The following PDE1C variants were observed in gnomAD, a reference collection of about 807,000 sequenced individuals.
The protein encoded by PDE1C is phosphodiesterase 1C.
A neutral mutation model predicts 93.1 loss-of-function variants in PDE1C; 62 were observed. The observed-to-expected ratio is 0.67, with a 90% CI of 0.54 to 0.82. The LOEUF (loss-of-function observed/expected upper bound fraction) is 0.82. Among genes scored for constraint, PDE1C ranks in the 40% least tolerant of loss-of-function variants. The pLI, the probability that PDE1C is intolerant of heterozygous loss-of-function variation, is 0.00. For missense variants in PDE1C, 742 were observed against 884.6 expected (o/e 0.84, Z 2.04); for synonymous variants, 325 against 310.1 (o/e 1.05, Z -0.50).
chr7:31,998,081 G>T (rs901121269), intron 2 of PDE1C, among the ~76,000 whole-genome samples: 3 of 151,594 alleles, frequency 2.0e-5, no homozygotes, highest in African/African-American at 7.3e-5. Flanking sequence ...ATGCAGTGGC[G>T]CAATCTTGGC....
At chr7:32,196,396 C>T (rs1380790720) in intron 2 of PDE1C, among the ~76,000 whole-genome samples, 1 of 151,860 alleles carries the variant, frequency 6.6e-6, no homozygotes, top group African/African-American at 2.4e-5. Context: ...TTTTGGGTAC[C>T]TGTTGTCATT....
intron 2 of PDE1C, among the ~76,000 whole-genome samples, chr7:32,025,713 T>G (rs1789329666): frequency 6.6e-6 from 1 of 152,162 alleles, no homozygotes. Context: ...TGGCTCAAAC[T>G]GACATGCCCA....
At chr7:31,893,496 T>G (rs1798898247) in intron 2 of PDE1C, 1 of 984,756 alleles carries the variant, frequency 1.0e-6, no homozygotes, top group African/African-American at 1.7e-5. Flanking sequence ...CCCATCTCAC[T>G]TGCCAGCACC....
the PDE1C span, among the ~76,000 whole-genome samples, chr7:31,686,559 G>A: frequency 2.6e-5 from 4 of 152,152 alleles, no homozygotes; most frequent in South Asian, 2.1e-4. Context: ...GGTTACAAGC[G>A]TGGACCCTAG....
chr7:32,130,697 C>T (rs1218726033), intron 3 of PDE1C, among the ~76,000 whole-genome samples: 1 of 152,042 alleles, frequency 6.6e-6, no homozygotes, highest in Non-Finnish European at 1.5e-5. Context: ...AACAGACTCC[C>T]ACACGCCTCT....
chr7:32,236,476 CT>C (rs901292341), intron 1 of PDE1C, among the ~76,000 whole-genome samples: 1 of 152,006 alleles, frequency 6.6e-6, no homozygotes, highest in Admixed American at 6.6e-5. Flanking sequence ...ACATTCGCCC[CT>C]AATTAAAGAT....
rs914401352 is a variant in PDE1C, at chr7:31,975,625, G to A, written c.128+75929C>T. ...AATGTAAGTTTTAGTCAGAGAAACC[G>A]ACAGAGAATTTAAAGCCTGCTCCAC... On this transcript the variant is annotated intron_variant, in intron 2 of 17. Coordinates refer to ENST00000396191, the MANE Select transcript of PDE1C (RefSeq NM_001191057.4). Among the ~76,000 whole-genome samples the A allele has an allele frequency of 3.4e-4, 51 of 152,110 alleles. No individual in the cohort carries two copies. In the South Asian group the frequency reaches 3.5e-3, roughly 11 times the overall value.
intron 1 of PDE1C, among the ~76,000 whole-genome samples, chr7:32,392,899 A>G (rs1562704486): frequency 6.6e-6 from 1 of 151,946 alleles, no homozygotes; most frequent in Non-Finnish European, 1.5e-5. Context: ...AAATACAAAA[A>G]TTAGCCAGGC....
chr7:31,691,591 A>G, the PDE1C span, among the ~76,000 whole-genome samples: 2 of 152,106 alleles, frequency 1.3e-5, no homozygotes, highest in East Asian at 1.9e-4. Context: ...AGCTATAACT[A>G]ATAGCTCTGG....
rs549336109 is a variant in PDE1C at position 32,357,115 on chromosome 7, G to C, written c.310+70707C>G. On this transcript the variant is annotated intron_variant, in intron 1 of 1. Coordinates refer to the PDE1C transcript ENST00000672256. ...TTGGGAGGCCAGGCGGGTGGATCACGAGGTCAGGATATTGAGACCATCCTG... is the reference window on the plus strand; with the variant it reads ...TTGGGAGGCCAGGCGGGTGGATCACCAGGTCAGGATATTGAGACCATCCTG... Among the ~76,000 whole-genome samples, 10 of 152,206 alleles carry C rather than the reference G, an allele frequency of 6.6e-5. 1 individual carries two copies. In the South Asian group the frequency reaches 8.3e-4, roughly 13 times the overall value.
chr7:32,049,586 G>A (rs972638628), intron 2 of PDE1C, among the ~76,000 whole-genome samples: 1 of 152,120 alleles, frequency 6.6e-6, no homozygotes, highest in Non-Finnish European at 1.5e-5. Context: ...ATGCAACACA[G>A]GAATCTCTAC....
intron 2 of PDE1C, among the ~76,000 whole-genome samples, chr7:31,916,051 G>A (rs1801860088): frequency 2.6e-5 from 4 of 152,014 alleles, no homozygotes; most frequent in East Asian, 1.9e-4. Flanking sequence ...GTATGGGGGG[G>A]GCACCTCTCA....
At chr7:31,847,485 T>C (rs564359942) in intron 9 of PDE1C, among the ~76,000 whole-genome samples, 1 of 152,092 alleles carries the variant, frequency 6.6e-6, no homozygotes, top group African/African-American at 2.4e-5. Context: ...ACACATGTTA[T>C]TAAATAAAAG....
At chr7:31,767,483 C>T (rs1795220025) in intron 17 of PDE1C, among the ~76,000 whole-genome samples, 2 of 152,188 alleles carry the variant, frequency 1.3e-5, no homozygotes. Context: ...CCTTCACCTT[C>T]TGCCATGACT....
intron 2 of PDE1C, among the ~76,000 whole-genome samples, chr7:31,992,944 A>T (rs114670308): frequency 1.2e-3 from 189 of 152,322 alleles, no homozygotes; most frequent in African/African-American, 4.4e-3. Flanking sequence ...GAACATAATG[A>T]AGTTTTTATC....
At chr7:32,293,882 G>A (rs915353517) in intron 1 of PDE1C, among the ~76,000 whole-genome samples, 3 of 152,166 alleles carry the variant, frequency 2.0e-5, no homozygotes, top group Non-Finnish European at 2.9e-5. Context: ...CAGACTGCCT[G>A]CTTGTCTAAG....
At chr7:32,205,553 C>T (rs892349665) in intron 2 of PDE1C, among the ~76,000 whole-genome samples, 1 of 151,994 alleles carries the variant, frequency 6.6e-6, no homozygotes, top group African/African-American at 2.4e-5. Flanking sequence ...TAAAATGGAC[C>T]AATCAGCAGG....
intron 3 of PDE1C, among the ~76,000 whole-genome samples, chr7:32,085,741 A>G (rs2128741253): frequency 6.6e-6 from 1 of 152,058 alleles, no homozygotes; most frequent in Non-Finnish European, 1.5e-5. Flanking sequence ...AAACAGAACC[A>G]AAGACAAAAA....
At chr7:32,097,616 C>T (rs1335426648) in intron 3 of PDE1C, among the ~76,000 whole-genome samples, 2 of 152,158 alleles carry the variant, frequency 1.3e-5, no homozygotes, top group Admixed American at 1.3e-4. Context: ...CAAAGCATCC[C>T]ATGGTGAGAG....
Sources: gnomAD v4.1 joint callset for allele counts (sites outside exome capture counted in the v4.1 genomes callset) on GRCh38, gnomAD v4.1.1 for gene constraint, MANE v1.5 for transcripts, NCBI Gene and HGNC (gene_info 2026-07-23, HGNC 2026-07-21) for gene names.